Variants in PSMD1 observed in about 807,000 individuals in gnomAD.
The protein encoded by PSMD1 is 26S proteasome non-ATPase regulatory subunit 1.
A neutral mutation model predicts 119.0 loss-of-function variants in PSMD1; 18 were observed. The observed-to-expected ratio is 0.15, with a 90% CI of 0.10 to 0.22. PSMD1 has a LOEUF of 0.22. Ranked by LOEUF, PSMD1 falls within the 10% of genes least tolerant of loss-of-function variation. The pLI, the probability that PSMD1 is intolerant of heterozygous loss-of-function variation, is 1.00. For missense variants in PSMD1, 702 were observed against 1,158.5 expected (o/e 0.61, Z 5.72); for synonymous variants, 374 against 396.6 (o/e 0.94, Z 0.68).
intron 16 of PSMD1, among the ~76,000 whole-genome samples, chr2:231,129,955 A>G (rs2125240527): frequency 6.6e-6 from 1 of 152,118 alleles, no homozygotes; most frequent in African/African-American, 2.4e-5. Context: ...CCGGGTTTAA[A>G]CAGTTCTCCT....
chr2:231,087,189 C>T lies in PSMD1; in HGVS notation c.1883+8C>T. The T allele has an allele frequency of 6.2e-7, 1 of 1,607,226 alleles. No individual in the cohort carries two copies. Among genetic ancestry groups the T allele is most frequent in the Non-Finnish European group, 8.5e-7 (1 of 1,174,330 alleles). On this transcript the variant is annotated splice_region_variant and intron_variant, in intron 16 of 24. Coordinates refer to ENST00000308696, the MANE Select transcript of PSMD1 (RefSeq NM_002807.4). Reference sequence around the variant, plus strand: ...TGGGTTCATTCTATTCAGGTAATAACTTCAAACTTCTTATTCTATTTATAT... The same window carrying T: ...TGGGTTCATTCTATTCAGGTAATAATTTCAAACTTCTTATTCTATTTATAT...
intron 19 of PSMD1, among the ~76,000 whole-genome samples, chr2:231,158,690 A>G (rs1696566261): frequency 6.6e-6 from 1 of 152,148 alleles, no homozygotes; most frequent in African/African-American, 2.4e-5. Context: ...GTCTTAGTGA[A>G]ATGTTCCCAC....
chr2:231,147,124 C>G lies in PSMD1; in HGVS notation c.2115+768C>G, dbSNP rs147247630. Among the ~76,000 whole-genome samples, 3 of 152,288 alleles carry G rather than the reference C, an allele frequency of 2.0e-5. No individual in the cohort carries two copies. In the East Asian group the frequency reaches 5.8e-4, roughly 29 times the overall value. ...ACAACCCAGCTTGCCCCAAAGAGAT[C>G]CTCTTCACATATCCTCCACAATCCA... On this transcript the variant is annotated intron_variant, in intron 18 of 24. Transcript: ENST00000308696.
At chr2:231,136,168 G>A (rs1695959506) in intron 16 of PSMD1, among the ~76,000 whole-genome samples, 2 of 152,270 alleles carry the variant, frequency 1.3e-5, no homozygotes, top group South Asian at 2.1e-4. Context: ...TTAATTAAAT[G>A]CAAGTCAACT....
At chr2:231,144,440 TTTTTTTTTTTGTA>T (rs1696207277) in intron 17 of PSMD1, among the ~76,000 whole-genome samples, 1 of 132,584 alleles carries the variant, frequency 7.5e-6, no homozygotes, top group Admixed American at 7.4e-5. Context: ...TTTTTTTTTT[TTTTTTTTTTTGTA>T]TTTTTGGTAG....
At chr2:231,087,972 AAAAG>A (rs1307461066) in intron 16 of PSMD1, among the ~76,000 whole-genome samples, 1 of 152,014 alleles carries the variant, frequency 6.6e-6, no homozygotes, top group Non-Finnish European at 1.5e-5. Context: ...CAAAAAAAAA[AAAAG>A]AAGTCACACT....
rs2125271068 is a variant in PSMD1 at position 231,165,405 on chromosome 2, G to T, written c.2568+119G>T. 12 of 1,215,626 alleles carry T rather than the reference G, an allele frequency of 9.9e-6. 1 individual carries two copies. In the South Asian group the frequency reaches 2.5e-4, roughly 25 times the overall value. The allele number at this position is 1,215,626 out of a possible 1,614,324, so 75.3% of individuals were successfully genotyped here. On this transcript the variant is annotated intron_variant, in intron 22 of 24. Transcript: ENST00000308696. ...TTGGCTTCCTTCAAACAATTATCCT[G>T]TTGCCAGCATGTAGAATCATCAAAC...
intron 16 of PSMD1, chr2:231,124,127 C>G (rs752694779): frequency 2.4e-5 from 6 of 251,600 alleles, no homozygotes; most frequent in Admixed American, 5.0e-5. Context: ...CCAGAGAGTT[C>G]CCCCTAGATA....
At chr2:231,075,208 G>A (rs1054912670) in intron 7 of PSMD1, among the ~76,000 whole-genome samples, 1 of 152,158 alleles carries the variant, frequency 6.6e-6, no homozygotes, top group Non-Finnish European at 1.5e-5. Flanking sequence ...TTTTGTAGCT[G>A]GTGGTGATTT....
chr2:231,098,078 C>T (rs373464165), intron 16 of PSMD1, among the ~76,000 whole-genome samples: 13 of 152,334 alleles, frequency 8.5e-5, no homozygotes, highest in East Asian at 1.9e-4. Flanking sequence ...GGATGGCCCT[C>T]GGGGGCTGAC....
intron 15 of PSMD1, 35 bp from the exon 16 acceptor site, chr2:231,087,082 C>T (rs1237096121): frequency 1.3e-6 from 2 of 1,582,020 alleles, no homozygotes; most frequent in African/African-American, 2.7e-5. Flanking sequence ...TGGTAGACTA[C>T]ATAGTATAAT....
At chr2:231,099,062 G>A (rs879918866) in intron 16 of PSMD1, among the ~76,000 whole-genome samples, 1 of 152,186 alleles carries the variant, frequency 6.6e-6, no homozygotes, top group Non-Finnish European at 1.5e-5. Flanking sequence ...GGGTTATAAC[G>A]AGGAAGGATA....
At chr2:231,060,886 G>T (rs1191508274) in intron 1 of PSMD1, among the ~76,000 whole-genome samples, 1 of 152,118 alleles carries the variant, frequency 6.6e-6, no homozygotes, top group Admixed American at 6.5e-5. Context: ...TAGGCCAATG[G>T]TTCTCAAACT....
intron 19 of PSMD1, among the ~76,000 whole-genome samples, chr2:231,154,119 ACAAAAAAAC>A (rs1177292800): frequency 1.3e-5 from 2 of 150,430 alleles, no homozygotes; most frequent in African/African-American, 4.9e-5. Context: ...GTCTCCAAAA[ACAAAAAAAC>A]CAAAAAAAAG....
At chr2:231,142,865 T>C (rs148515331) in intron 17 of PSMD1, among the ~76,000 whole-genome samples, 24 of 152,314 alleles carry the variant, frequency 1.6e-4, no homozygotes, top group African/African-American at 5.3e-4. Context: ...AGGATACCCA[T>C]ATCTGCTGTG....
At position 231,172,716 on chromosome 2, in the gene PSMD1, A is replaced by T. The variant is rs1696938652; in HGVS notation, c.*191A>T. 1.3e-5 allele frequency: 2 copies of T among 152,234 alleles called. No individual in the cohort carries two copies. The highest frequency in any genetic ancestry group is 2.9e-5 in the Non-Finnish European group (2 of 68,052). The allele number at this position is 152,234 out of a possible 1,614,324, so 9.4% of individuals were successfully genotyped here. On this transcript the variant is annotated 3_prime_UTR_variant, in exon 25 of 25. Coordinates refer to ENST00000308696, the MANE Select transcript of PSMD1 (RefSeq NM_002807.4). ...ATGACTGTTGAGTGTGCTCTTTCAC[A>T]GAACTTGGTTTTCAAATAAATATAA...
chr2:231,097,442 G>T (rs1345251458), intron 16 of PSMD1, among the ~76,000 whole-genome samples: 2 of 152,178 alleles, frequency 1.3e-5, no homozygotes, highest in Non-Finnish European at 2.9e-5. Flanking sequence ...TTGGGATAAA[G>T]GTGCAACATT....
chr2:231,064,916 CT>C (rs35167435), intron 4 of PSMD1, among the ~76,000 whole-genome samples: 69,429 of 151,354 alleles, frequency 0.46, 17,962 homozygotes, highest in African/African-American at 0.7. Flanking sequence ...CTTGCCTCGG[CT>C]TCCCAAGATT....
In PSMD1 at chr2:231,169,501, T is replaced by G. The variant is rs529754747; in HGVS notation, c.2716-1065T>G. On this transcript the variant is annotated intron_variant, in intron 23 of 24. Transcript: ENST00000308696. ...AAGGGGTTGTAGAAAAATGTATAGA[T>G]ATGTGTGTGTCAGGAGAAGGGAAAT... Among the ~76,000 whole-genome samples the G allele has an allele frequency of 7.2e-5, 11 of 152,216 alleles. No homozygotes were observed. In the South Asian group the frequency reaches 2.1e-3, roughly 29 times the overall value.
Sources: allele counts gnomAD v4.1 joint callset (sites outside exome capture counted in the v4.1 genomes callset), GRCh38; gene constraint gnomAD v4.1.1; transcripts MANE v1.5; gene names NCBI Gene and HGNC (gene_info 2026-07-23, HGNC 2026-07-21).